The following ACAP2 variants were observed in gnomAD, a reference collection of about 807,000 sequenced individuals.
ACAP2 encodes the protein arf-GAP with coiled-coil, ANK repeat and PH domain-containing protein 2.
Under a neutral mutation model 115.8 loss-of-function variants are expected in ACAP2, and 39 were observed. The ratio of observed to expected loss-of-function variants is 0.34; its 90% CI spans 0.26 to 0.44. The LOEUF (loss-of-function observed/expected upper bound fraction) is 0.44. ACAP2 is among the 20% of genes least tolerant of loss of function. ACAP2 has a pLI of 1.00. For missense variants in ACAP2, 662 were observed against 927.6 expected (o/e 0.71, Z 3.72); for synonymous variants, 289 against 315.8 (o/e 0.92, Z 0.90).
intron 22 of ACAP2, among the ~76,000 whole-genome samples, chr3:195,283,602 C>T (rs1412674151): frequency 6.6e-6 from 1 of 152,130 alleles, no homozygotes; most frequent in Admixed American, 6.5e-5. Context: ...AAACAAACAG[C>T]CGCTGCCTGA....
intron 10 of ACAP2, among the ~76,000 whole-genome samples, chr3:195,310,625 C>T (rs1387165832): frequency 6.6e-6 from 1 of 152,174 alleles, no homozygotes; most frequent in Non-Finnish European, 1.5e-5. Flanking sequence ...AAACTTTTCA[C>T]GCTTCTGAGG....
rs1731571508 is a variant in ACAP2, at chr3:195,351,319, G to A, written c.286-6002C>T. ...TTTAGTAGAGACAGAGTTTCGCCAT[G>A]TTGCCCAGGATGGTCATGAACTCCT... is the stretch of plus-strand genomic sequence containing the variant. On this transcript the variant is annotated intron_variant, in intron 4 of 22. Coordinates refer to ENST00000326793, the MANE Select transcript of ACAP2 (RefSeq NM_012287.6). 2.0e-5 allele frequency among the ~76,000 whole-genome samples: 3 copies of A among 152,006 alleles called. No homozygotes were observed. The South Asian group carries it at 6.2e-4, about 31-fold the overall frequency.
intron 15 of ACAP2, among the ~76,000 whole-genome samples, chr3:195,300,034 CTTTTTTTTTCTTTT>C (rs1222515212): frequency 3.5e-5 from 5 of 141,934 alleles, no homozygotes; most frequent in East Asian, 4.3e-4. Context: ...TTTCTTTTTT[CTTTTTTTTTCTTTT>C]TTTTTTTTTT....
At chr3:195,426,455 A>T (rs1317657036) in intron 1 of ACAP2, among the ~76,000 whole-genome samples, 4 of 152,214 alleles carry the variant, frequency 2.6e-5, no homozygotes, top group Non-Finnish European at 5.9e-5. Context: ...CTAAAAGATA[A>T]TTAGTCTAAA....
At chr3:195,310,913 A>C (rs923610061) in intron 10 of ACAP2, among the ~76,000 whole-genome samples, 1 of 152,082 alleles carries the variant, frequency 6.6e-6, no homozygotes, top group African/African-American at 2.4e-5. Context: ...ACATTTTTTC[A>C]ATTATTATAC....
intron 1 of ACAP2, among the ~76,000 whole-genome samples, chr3:195,415,873 T>A (rs1031512974): frequency 6.6e-6 from 1 of 152,078 alleles, no homozygotes; most frequent in East Asian, 1.9e-4. Context: ...AAAAAAACGC[T>A]AAAAAGGTGA....
At chr3:195,351,177 G>C (rs1731557974) in intron 4 of ACAP2, among the ~76,000 whole-genome samples, 1 of 150,138 alleles carries the variant, frequency 6.7e-6, no homozygotes, top group Non-Finnish European at 1.5e-5. Flanking sequence ...GAGTGCAGTG[G>C]TGTGATCTCG....
At chr3:195,400,184 A>G (rs1448353651) in intron 1 of ACAP2, among the ~76,000 whole-genome samples, 3 of 151,782 alleles carry the variant, frequency 2.0e-5, no homozygotes, top group African/African-American at 4.9e-5. Context: ...GTCTCAAAAA[A>G]AAAAACAACA....
chr3:195,404,793 T>A (rs1712609698), intron 1 of ACAP2, among the ~76,000 whole-genome samples: 1 of 147,740 alleles, frequency 6.8e-6, no homozygotes, highest in South Asian at 2.1e-4. Context: ...TTATAATATA[T>A]AATTTTTTCT....
At chr3:195,322,992 T>G (rs906802313) in intron 9 of ACAP2, among the ~76,000 whole-genome samples, 2 of 152,132 alleles carry the variant, frequency 1.3e-5, no homozygotes, top group Non-Finnish European at 2.9e-5. Flanking sequence ...CCTGACAAAC[T>G]AGGAAGGAAT....
chr3:195,402,643 G>A (rs967626083), intron 1 of ACAP2, among the ~76,000 whole-genome samples: 3 of 152,066 alleles, frequency 2.0e-5, no homozygotes, highest in Admixed American at 2.0e-4. Flanking sequence ...AGCTAAGGAG[G>A]TATTCGCTCT....
chr3:195,280,049 A>G (rs1198742748), intron 22 of ACAP2, among the ~76,000 whole-genome samples: 3 of 149,996 alleles, frequency 2.0e-5, no homozygotes, highest in African/African-American at 4.9e-5. Context: ...CCTCACGCCT[A>G]TAACCCCAAC....
intron 4 of ACAP2, among the ~76,000 whole-genome samples, chr3:195,350,288 G>T (rs1033172697): frequency 6.6e-6 from 1 of 152,114 alleles, no homozygotes; most frequent in Non-Finnish European, 1.5e-5. Flanking sequence ...AAGAGGAAAA[G>T]AGTTAGAATA....
intron 4 of ACAP2, among the ~76,000 whole-genome samples, chr3:195,369,316 T>C (rs950583462): frequency 1.3e-5 from 2 of 152,346 alleles, no homozygotes; most frequent in African/African-American, 4.8e-5. Context: ...GCAGGTTATA[T>C]AGGTAAACTC....
chr3:195,411,075 G>T (rs1713220116), intron 1 of ACAP2: 2 of 274,512 alleles, frequency 7.3e-6, no homozygotes, highest in Non-Finnish European at 7.4e-6. Context: ...ATCGATGCAG[G>T]AACAGACTAA....
At chr3:195,329,645 T>C (rs961504305) in intron 8 of ACAP2, among the ~76,000 whole-genome samples, 1 of 152,158 alleles carries the variant, frequency 6.6e-6, no homozygotes. Flanking sequence ...GTCATTCCGC[T>C]TCTACTGCCT....
At chr3:195,425,809 A>C (rs1714642611) in intron 1 of ACAP2, among the ~76,000 whole-genome samples, 1 of 152,164 alleles carries the variant, frequency 6.6e-6, no homozygotes, top group Non-Finnish European at 1.5e-5. Flanking sequence ...CCTATAAAAA[A>C]ATTCAACATC....
chr3:195,289,297 A>G, intron 20 of ACAP2, 66 bp from the exon 21 acceptor site: 1 of 1,075,196 alleles, frequency 9.3e-7, no homozygotes, highest in Non-Finnish European at 1.4e-6. Context: ...TTCACCTTAA[A>G]AAAAAAAAGT....
intron 10 of ACAP2, among the ~76,000 whole-genome samples, chr3:195,319,565 G>C (rs1017843894): frequency 1.3e-5 from 2 of 152,244 alleles, no homozygotes; most frequent in African/African-American, 4.8e-5. Flanking sequence ...GGAGATTTTA[G>C]AGCTTTAAGA....
Sources: allele counts gnomAD v4.1 joint callset (sites outside exome capture counted in the v4.1 genomes callset), GRCh38; gene constraint gnomAD v4.1.1; transcripts MANE v1.5; gene names NCBI Gene and HGNC (gene_info 2026-07-23, HGNC 2026-07-21).